ARHGAP15: variants seen among roughly 807,000 people sequenced by gnomAD.
The protein encoded by ARHGAP15 is Rho GTPase activating protein 15, also known as rho GTPase-activating protein 15.
ARHGAP15 carries 51 observed loss-of-function variants against 63.7 expected under a neutral mutation model. The ratio of observed to expected loss-of-function variants is 0.80; its 90% CI spans 0.64 to 1.01. The LOEUF (loss-of-function observed/expected upper bound fraction) is 1.01, where lower values mean the gene tolerates loss of function less well. Among genes scored for constraint, ARHGAP15 ranks in the 50% least tolerant of loss-of-function variants. ARHGAP15 has a pLI of 0.00. For synonymous variants in ARHGAP15, 191 were observed against 193.8 expected, an observed-to-expected ratio of 0.99 and a Z score of 0.12; for missense variants, 560 against 564.6, an observed-to-expected ratio of 0.99 and a Z score of 0.08.
At chr2:143,605,265 T>C (rs1471666880) in intron 11 of ARHGAP15, among the ~76,000 whole-genome samples, 1 of 152,134 alleles carries the variant, frequency 6.6e-6, no homozygotes, top group Non-Finnish European at 1.5e-5. Flanking sequence ...CAACTGAGGC[T>C]GAGATTAAGT....
intron 9 of ARHGAP15, among the ~76,000 whole-genome samples, chr2:143,510,958 A>C (rs1693558819): frequency 6.6e-6 from 1 of 152,244 alleles, no homozygotes; most frequent in Non-Finnish European, 1.5e-5. Flanking sequence ...TTATTTGAAC[A>C]TTTAACTGCC....
chr2:143,250,643 A>C, intron 6 of ARHGAP15, 43 bp downstream of exon 6: 11 of 1,515,778 alleles, frequency 7.3e-6, no homozygotes, highest in Non-Finnish European at 1.0e-5. Context: ...ATTCTCTCTA[A>C]ATCTGAGCTC....
At chr2:143,297,685 A>T (rs1682702608) in intron 6 of ARHGAP15, among the ~76,000 whole-genome samples, 1 of 152,108 alleles carries the variant, frequency 6.6e-6, no homozygotes, top group East Asian at 1.9e-4. Context: ...GCACTATAGG[A>T]AAATTAAAAG....
chr2:143,748,159 A>G (rs1339652136), intron 13 of ARHGAP15, among the ~76,000 whole-genome samples: 1 of 152,206 alleles, frequency 6.6e-6, no homozygotes, highest in Non-Finnish European at 1.5e-5. Context: ...CTCTGCAACT[A>G]CAACACTATG....
At chr2:143,143,577 T>C (rs914862296) in intron 1 of ARHGAP15, among the ~76,000 whole-genome samples, 2 of 150,932 alleles carry the variant, frequency 1.3e-5, no homozygotes, top group Middle Eastern at 3.4e-3. Flanking sequence ...CTTTTTTTTT[T>C]TTTTGTCCCT....
At chr2:143,441,551 C>T (rs996359321) in intron 8 of ARHGAP15, among the ~76,000 whole-genome samples, 1 of 152,138 alleles carries the variant, frequency 6.6e-6, no homozygotes, top group Non-Finnish European at 1.5e-5. Context: ...AGGTATACAA[C>T]TAAAATTCTT....
At chr2:143,161,462 A>G (rs1690293111) in intron 2 of ARHGAP15, among the ~76,000 whole-genome samples, 1 of 151,926 alleles carries the variant, frequency 6.6e-6, no homozygotes, top group African/African-American at 2.4e-5. Flanking sequence ...AATTGCTTCT[A>G]ATCCATTTTA....
intron 12 of ARHGAP15, among the ~76,000 whole-genome samples, chr2:143,631,290 A>ATATACAAAT (rs1367850304): frequency 1.3e-5 from 2 of 152,130 alleles, no homozygotes; most frequent in Admixed American, 6.6e-5. Flanking sequence ...GTGAACATTT[A>ATATACAAAT]TATACAAATT....
At chr2:143,450,067 G>C (rs1342203889) in intron 8 of ARHGAP15, among the ~76,000 whole-genome samples, 1 of 142,206 alleles carries the variant, frequency 7.0e-6, no homozygotes, top group Non-Finnish European at 1.5e-5. Context: ...TTCCTAGTGA[G>C]TACCTGGGTT....
intron 8 of ARHGAP15, among the ~76,000 whole-genome samples, chr2:143,470,443 T>C (rs192736788): frequency 6.6e-6 from 1 of 151,624 alleles, no homozygotes; most frequent in Non-Finnish European, 1.5e-5. Flanking sequence ...GCATAGGGCT[T>C]TTCCATAAAT....
chr2:143,406,900 A>G (rs1688221483), intron 6 of ARHGAP15, among the ~76,000 whole-genome samples: 1 of 151,856 alleles, frequency 6.6e-6, no homozygotes, highest in Non-Finnish European at 1.5e-5. Flanking sequence ...CCATTCAGCT[A>G]AAGGAAAAGG....
chr2:143,663,065 C>T (rs201688879), intron 12 of ARHGAP15, among the ~76,000 whole-genome samples: 4,730 of 97,472 alleles, frequency 0.049, 60 homozygotes, highest in Non-Finnish European at 0.06. Context: ...ATACAGAGAA[C>T]GCCACAAAGA....
intron 13 of ARHGAP15, among the ~76,000 whole-genome samples, chr2:143,763,157 G>C (rs1686820731): frequency 6.6e-6 from 1 of 151,504 alleles, no homozygotes; most frequent in Non-Finnish European, 1.5e-5. Context: ...ATTGATGTGA[G>C]GTTAAAAAAA....
chr2:143,540,051 A>C (rs940092439), intron 10 of ARHGAP15, among the ~76,000 whole-genome samples: 16 of 152,154 alleles, frequency 1.1e-4, no homozygotes, highest in Admixed American at 3.3e-4. Flanking sequence ...TTGCTTTATG[A>C]ATCTGGATGC....
intron 9 of ARHGAP15, among the ~76,000 whole-genome samples, chr2:143,513,732 T>G (rs149217391): frequency 6.6e-6 from 1 of 152,348 alleles, no homozygotes; most frequent in East Asian, 1.9e-4. Flanking sequence ...TAACTGCATC[T>G]CTGTCTTCTC....
chr2:143,571,940 A>T (rs1356859203), intron 11 of ARHGAP15: 1 of 152,186 alleles, frequency 6.6e-6, no homozygotes, highest in Non-Finnish European at 1.5e-5. Context: ...CTGATGGATG[A>T]GCTCACCTCC....
At chr2:143,322,885 G>T (rs951644323) in intron 6 of ARHGAP15, among the ~76,000 whole-genome samples, 3 of 152,182 alleles carry the variant, frequency 2.0e-5, no homozygotes, top group Non-Finnish European at 2.9e-5. Flanking sequence ...CATTTGCAAT[G>T]ATATGAACTT....
At chr2:143,136,701 T>C (rs1289155875) in intron 1 of ARHGAP15, among the ~76,000 whole-genome samples, 2 of 152,202 alleles carry the variant, frequency 1.3e-5, no homozygotes, top group East Asian at 1.9e-4. Flanking sequence ...GAAAATGTAA[T>C]AAATAAAAAC....
At chr2:143,259,296 T>A (rs1680594788) in intron 6 of ARHGAP15, among the ~76,000 whole-genome samples, 1 of 152,144 alleles carries the variant, frequency 6.6e-6, no homozygotes, top group Admixed American at 6.6e-5. Context: ...AATATTTGTT[T>A]CAAGCTTCAG....
Sources: allele counts gnomAD v4.1 joint callset (sites outside exome capture counted in the v4.1 genomes callset), GRCh38; gene constraint gnomAD v4.1.1; transcripts MANE v1.5; gene names NCBI Gene and HGNC (gene_info 2026-07-23, HGNC 2026-07-21).